Variants in PIK3C2G observed in about 807,000 individuals in gnomAD.
PIK3C2G encodes phosphatidylinositol 3-kinase C2 domain-containing subunit gamma.
A neutral mutation model predicts 181.1 loss-of-function variants in PIK3C2G; 168 were observed. That is an observed-to-expected ratio of 0.93 (90% confidence interval 0.82 to 1.05). The LOEUF is 1.05. Ranked by LOEUF, PIK3C2G falls within the 50% of genes least tolerant of loss-of-function variation. The probability of loss-of-function intolerance (pLI) is 0.00; values close to 1 mark genes in which losing one functional copy is unlikely to be tolerated. For synonymous variants in PIK3C2G, 573 were observed against 592.2 expected (o/e 0.97, Z 0.47); for missense variants, 1,869 against 1,732.8 (o/e 1.08, Z -1.40).
intron 31 of PIK3C2G, among the ~76,000 whole-genome samples, chr12:18,623,311 C>CT (rs1182338552): frequency 1.3e-5 from 2 of 151,774 alleles, no homozygotes; most frequent in African/African-American, 4.8e-5. Flanking sequence ...GTCCTTTTCT[C>CT]ATCGTATGTT....
chr12:18,716,247 TG>T, the PIK3C2G span, among the ~76,000 whole-genome samples: 2 of 151,376 alleles, frequency 1.3e-5, no homozygotes, highest in East Asian at 3.9e-4. Context: ...TTACTTGGGG[TG>T]GGGGGAAAAA....
chr12:18,331,839 T>G (rs994917123), intron 8 of PIK3C2G, among the ~76,000 whole-genome samples: 1 of 152,132 alleles, frequency 6.6e-6, no homozygotes, highest in Non-Finnish European at 1.5e-5. Flanking sequence ...TTGAAAAAGC[T>G]TCCTTCTATA....
chr12:18,711,316 T>G, the PIK3C2G span, among the ~76,000 whole-genome samples: 1 of 131,926 alleles, frequency 7.6e-6, no homozygotes, highest in Middle Eastern at 4.7e-3. Context: ...TTCTCACTCA[T>G]AGGTGGGAAT....
the PIK3C2G span, among the ~76,000 whole-genome samples, chr12:18,669,580 G>A: frequency 3.3e-5 from 5 of 152,062 alleles, no homozygotes; most frequent in Non-Finnish European, 2.9e-5. Flanking sequence ...GTTGGTGAGG[G>A]CCCCTATTCC....
intron 1 of PIK3C2G, among the ~76,000 whole-genome samples, chr12:18,252,505 G>A (rs1223406003): frequency 6.6e-6 from 1 of 152,194 alleles, no homozygotes; most frequent in Non-Finnish European, 1.5e-5. Flanking sequence ...AAAGTTTTGT[G>A]TGGTGTTGGA....
intron 7 of PIK3C2G, among the ~76,000 whole-genome samples, chr12:18,321,244 T>C (rs1406563576): frequency 6.6e-6 from 1 of 152,232 alleles, no homozygotes; most frequent in African/African-American, 2.4e-5. Flanking sequence ...CAGAACATTC[T>C]AACATTCATT....
chr12:18,406,788 A>G (rs1311639775), intron 16 of PIK3C2G, among the ~76,000 whole-genome samples: 2 of 152,154 alleles, frequency 1.3e-5, no homozygotes, highest in South Asian at 2.1e-4. Flanking sequence ...TATGAATACA[A>G]TTATAGATAA....
intron 22 of PIK3C2G, among the ~76,000 whole-genome samples, chr12:18,500,810 C>G (rs1383604830): frequency 2.0e-5 from 3 of 152,142 alleles, no homozygotes; most frequent in South Asian, 2.1e-4. Flanking sequence ...TTTGTTCTCT[C>G]GCTCTTTGCA....
chr12:18,725,563 C>G, the PIK3C2G span, among the ~76,000 whole-genome samples: 1 of 152,090 alleles, frequency 6.6e-6, no homozygotes, highest in African/African-American at 2.4e-5. Context: ...ATCTGACCAT[C>G]TCAACTCCCT....
At chr12:18,669,988 G>C in the PIK3C2G span, among the ~76,000 whole-genome samples, 21 of 151,940 alleles carry the variant, frequency 1.4e-4, no homozygotes, top group East Asian at 3.7e-3. Flanking sequence ...TCTTATAAGG[G>C]CATTAATCCT....
chr12:18,511,759 C>A (rs1942221752), intron 24 of PIK3C2G, among the ~76,000 whole-genome samples: 1 of 152,102 alleles, frequency 6.6e-6, no homozygotes, highest in African/African-American at 2.4e-5. Flanking sequence ...TTCTCAGATT[C>A]TATGGGCCAT....
intron 31 of PIK3C2G, among the ~76,000 whole-genome samples, chr12:18,619,287 T>C (rs1948740324): frequency 6.6e-6 from 1 of 151,922 alleles, no homozygotes; most frequent in East Asian, 1.9e-4. Context: ...TGGAAAGAAC[T>C]GTCAGTTTGG....
intron 24 of PIK3C2G, among the ~76,000 whole-genome samples, chr12:18,530,800 G>A (rs536984085): frequency 2.6e-5 from 4 of 152,156 alleles, no homozygotes; most frequent in African/African-American, 9.6e-5. Context: ...TGAAGATGGT[G>A]CCTGCTTCCC....
chr12:18,243,719 C>G (rs1478545822), upstream of PIK3C2G, among the ~76,000 whole-genome samples: 1 of 151,816 alleles, frequency 6.6e-6, no homozygotes, highest in Non-Finnish European at 1.5e-5. Flanking sequence ...CTCCCATTTC[C>G]TATAATTCCT....
At chr12:18,575,009 T>A (rs1388948157) in intron 29 of PIK3C2G, among the ~76,000 whole-genome samples, 1 of 152,206 alleles carries the variant, frequency 6.6e-6, no homozygotes, top group African/African-American at 2.4e-5. Flanking sequence ...GCATGTTGGC[T>A]TATTGCTGTG....
At chr12:18,677,646 G>A in the PIK3C2G span, among the ~76,000 whole-genome samples, 14 of 152,108 alleles carry the variant, frequency 9.2e-5, no homozygotes, top group East Asian at 1.5e-3. Context: ...GAAGCAGAAC[G>A]CCACACCAAT....
chr12:18,624,835 G>C (rs1050751184), intron 31 of PIK3C2G, among the ~76,000 whole-genome samples: 2 of 151,552 alleles, frequency 1.3e-5, no homozygotes, highest in South Asian at 4.1e-4. Context: ...ACAACTCTCT[G>C]TAATAGTCTC....
chr12:18,619,745 T>A (rs1235319214), intron 31 of PIK3C2G, among the ~76,000 whole-genome samples: 3 of 141,704 alleles, frequency 2.1e-5, no homozygotes, highest in African/African-American at 3.0e-5. Context: ...ATTTTAATTT[T>A]TTTTTTTTTT....
chr12:18,682,063 G>T, the PIK3C2G span, among the ~76,000 whole-genome samples: 1 of 152,098 alleles, frequency 6.6e-6, no homozygotes, highest in Middle Eastern at 3.4e-3. Flanking sequence ...CTAAGAATTG[G>T]CTGTGCATCC....
Sources: gnomAD v4.1 joint callset for allele counts (sites outside exome capture counted in the v4.1 genomes callset) on GRCh38, gnomAD v4.1.1 for gene constraint, MANE v1.5 for transcripts, NCBI Gene and HGNC (gene_info 2026-07-23, HGNC 2026-07-21) for gene names.